Variants in NFASC observed in about 807,000 individuals in gnomAD.
NFASC encodes neurofascin homolog.
Under a neutral mutation model 147.5 loss-of-function variants are expected in NFASC, and 43 were observed. That is an observed-to-expected ratio of 0.29 (90% CI 0.23 to 0.38). NFASC has a LOEUF of 0.38. Among genes scored for constraint, NFASC ranks in the 10% least tolerant of loss-of-function variants. The pLI is 1.00. For missense variants in NFASC, 1,320 were observed against 1,689.0 expected (o/e 0.78, Z 3.83); for synonymous variants, 622 against 665.5 (o/e 0.93, Z 1.01).
chr1:204,875,359 C>T (rs1036268128), intron 1 of NFASC, among the ~76,000 whole-genome samples: 1 of 152,050 alleles, frequency 6.6e-6, no homozygotes, highest in African/African-American at 2.4e-5. Context: ...GGTCTAACCT[C>T]CAGGTTAGAC....
At chr1:205,001,875 C>T (rs2095995476) in intron 26 of NFASC, among the ~76,000 whole-genome samples, 1 of 152,190 alleles carries the variant, frequency 6.6e-6, no homozygotes, top group Non-Finnish European at 1.5e-5. Flanking sequence ...GTCAAACCCA[C>T]CATCCTGGCA....
At chr1:205,012,605 A>C in intron 28 of NFASC, 192 bp from the exon 29 acceptor site, 1 of 613,056 alleles carries the variant, frequency 1.6e-6, no homozygotes, top group South Asian at 1.9e-5. Flanking sequence ...GAGAAGGAGG[A>C]GGCAGAGTCA....
chr1:205,012,398 G>A (rs1275173030), intron 28 of NFASC, among the ~76,000 whole-genome samples: 1 of 152,208 alleles, frequency 6.6e-6, no homozygotes, highest in Admixed American at 6.5e-5. Flanking sequence ...TCTGTGATAG[G>A]CATGAAAAAA....
At position 204,987,491 on chromosome 1, in the gene NFASC, T is replaced by A; in HGVS notation, c.2544T>A (p.Pro848=). The A allele has an allele frequency of 6.2e-7, 1 of 1,614,114 alleles. No individual in the cohort carries two copies. The highest frequency in any genetic ancestry group is 2.2e-5 in the East Asian group (1 of 44,860). The change falls in exon 22 of 30, where the codon CCT becomes CCA. Residue 848 remains proline (P), a synonymous_variant. Transcript: ENST00000339876. The surrounding 1 kb of genome is among the most constrained non-coding windows in gnomAD (Gnocchi z 4.4). ...CAATCAACCTGGAATGGGATCATCCTGAGCATCCAAATGGGATCATGATTG... is the reference window on the plus strand; with the variant it reads ...CAATCAACCTGGAATGGGATCATCCAGAGCATCCAAATGGGATCATGATTG... ...LETINLEWDH[P]EHPNGIMIGY...
intron 1 of NFASC, among the ~76,000 whole-genome samples, chr1:204,901,227 G>A (rs1381443675): frequency 6.6e-6 from 1 of 152,170 alleles, no homozygotes; most frequent in African/African-American, 2.4e-5. Flanking sequence ...GAGAGGTCTG[G>A]GCTGGAGATT....
intron 1 of NFASC, among the ~76,000 whole-genome samples, chr1:204,906,678 C>T (rs2149266906): frequency 7.0e-6 from 1 of 142,700 alleles, no homozygotes; most frequent in East Asian, 2.0e-4. Flanking sequence ...TTTGTGTGGA[C>T]ATATATGCAT....
At chr1:204,886,710 A>G (rs2081375004) in intron 1 of NFASC, among the ~76,000 whole-genome samples, 1 of 152,236 alleles carries the variant, frequency 6.6e-6, no homozygotes, top group African/African-American at 2.4e-5. Context: ...ACTGAGGCCC[A>G]GGGAGACGCA....
rs2095615749 is a variant in NFASC, at chr1:204,986,389, C to A, written c.2471-1029C>A. 6.6e-6 allele frequency among the ~76,000 whole-genome samples: 1 copy of A among 152,224 alleles called. No homozygotes were observed. Among genetic ancestry groups the A allele is most frequent in the Non-Finnish European group, 1.5e-5 (1 of 68,038 alleles). ...GGTTATGCAGACTGATCCCCGAGGG[C>A]ACGGCGGGCACCTGGGCCACCCCAC... On this transcript the variant is annotated intron_variant, in intron 21 of 29. Coordinates refer to ENST00000339876, the MANE Select transcript of NFASC (RefSeq NM_001005388.3). The surrounding 1 kb of genome is among the most constrained non-coding windows in gnomAD (Gnocchi z 4.2).
At chr1:204,919,946 C>T (rs2090113954) in intron 1 of NFASC, among the ~76,000 whole-genome samples, 1 of 152,264 alleles carries the variant, frequency 6.6e-6, no homozygotes, top group African/African-American at 2.4e-5. Context: ...AATGTTATAA[C>T]AAATGACTAA....
intron 1 of NFASC, among the ~76,000 whole-genome samples, chr1:204,847,377 G>C (rs2102613730): frequency 6.6e-6 from 1 of 152,246 alleles, no homozygotes; most frequent in Non-Finnish European, 1.5e-5. Context: ...TGAAGCACAG[G>C]GCTACCTTCC....
intron 1 of NFASC, among the ~76,000 whole-genome samples, chr1:204,910,591 TCAGGTGCAAGACACCACATC>T (rs2087162508): frequency 6.6e-6 from 1 of 151,946 alleles, no homozygotes; most frequent in African/African-American, 2.4e-5. Context: ...AGCTAGAACT[TCAGGTGCAAGACACCACATC>T]CAGGCTTGCA....
chr1:204,843,633 TC>T (rs1676087838), intron 1 of NFASC, among the ~76,000 whole-genome samples: 43 of 103,440 alleles, frequency 4.2e-4, no homozygotes, highest in African/African-American at 1.4e-3. Flanking sequence ...CCTTCCTCCC[TC>T]CCTCCCTCCC....
intron 1 of NFASC, among the ~76,000 whole-genome samples, chr1:204,858,053 A>G (rs2076324745): frequency 1.3e-5 from 2 of 151,130 alleles, no homozygotes; most frequent in Admixed American, 6.6e-5. Context: ...CCAAGTAGCT[A>G]GGATTACAGG....
At chr1:204,951,981 C>A in intron 4 of NFASC, 30 bp from the exon 5 acceptor site, 1 of 1,597,158 alleles carries the variant, frequency 6.3e-7, no homozygotes, top group Non-Finnish European at 8.6e-7. Flanking sequence ...TCCCTGCAGC[C>A]CTGACCATGC....
intron 16 of NFASC, 140 bp downstream of exon 16, chr1:204,976,935 G>A (rs1455052056): frequency 4.0e-5 from 58 of 1,435,584 alleles, no homozygotes; most frequent in African/African-American, 5.7e-5. Context: ...TTCTTGCCTC[G>A]TGATGTCAGG....
chr1:204,855,988 T>G (rs1371420999), intron 1 of NFASC, among the ~76,000 whole-genome samples: 1 of 152,182 alleles, frequency 6.6e-6, no homozygotes, highest in Non-Finnish European at 1.5e-5. Flanking sequence ...ATGAAGCAAC[T>G]ATTATCATTA....
At chr1:204,879,140 A>G (rs2079613558) in intron 1 of NFASC, among the ~76,000 whole-genome samples, 1 of 152,238 alleles carries the variant, frequency 6.6e-6, no homozygotes, top group Non-Finnish European at 1.5e-5. Context: ...AGATTTAATG[A>G]ACATTTTTAT....
intron 8 of NFASC, among the ~76,000 whole-genome samples, chr1:204,962,542 G>T (rs1157536044): frequency 2.0e-5 from 3 of 152,188 alleles, no homozygotes; most frequent in African/African-American, 7.2e-5. Flanking sequence ...AGGAAGTCTG[G>T]TTCCTATTGG....
intron 1 of NFASC, among the ~76,000 whole-genome samples, 185 bp from the exon 2 acceptor site, chr1:204,920,447 T>TA (rs1553254801): frequency 7.1e-6 from 1 of 140,932 alleles, no homozygotes; most frequent in Non-Finnish European, 1.6e-5. Context: ...TTTTTTTTTT[T>TA]CTTCCAGAGT....
Sources: allele counts gnomAD v4.1 joint callset (sites outside exome capture counted in the v4.1 genomes callset), GRCh38; gene constraint gnomAD v4.1.1; non-coding constraint Gnocchi (gnomAD v3.1); transcripts MANE v1.5; gene names NCBI Gene and HGNC (gene_info 2026-07-23, HGNC 2026-07-21).